F13A1: variants seen among roughly 807,000 people sequenced by gnomAD.
The protein encoded by F13A1 is FSF, A subunit.
Under a neutral mutation model 80.1 loss-of-function variants are expected in F13A1, and 47 were observed. The ratio of observed to expected loss-of-function variants is 0.59; its 90% CI spans 0.46 to 0.75. F13A1 has a LOEUF of 0.75. Ranked by LOEUF, F13A1 falls within the 30% of genes least tolerant of loss-of-function variation. The pLI is 0.00. For missense variants in F13A1, 817 were observed against 930.4 expected (o/e 0.88, Z 1.59); for synonymous variants, 349 against 344.9 (o/e 1.01, Z -0.13).
rs1471603348 is a variant in F13A1, at chr6:6,151,935, C to T, written c.1923G>A (p.Gln641=). Residue 641 remains glutamine, a synonymous_variant, in exon 14 of 15, where the codon CAG becomes CAA. Transcript: ENST00000264870. The stretch of plus-strand genomic sequence containing the variant: ...TCACAGTCATGTCAGAACCAACTAC[C>T]TGAGTGCCACGGACCTAAGAGAGAG... ...PEIIIKVRGT[Q]VVGSDMTVTV... 3 of 1,613,898 alleles carry T rather than the reference C, an allele frequency of 1.9e-6. No individual in the cohort carries two copies. In the East Asian group the frequency reaches 6.7e-5, roughly 36 times the overall value.
intron 3 of F13A1, among the ~76,000 whole-genome samples, chr6:6,289,783 T>C (rs1021133635): frequency 1.3e-5 from 2 of 152,116 alleles, no homozygotes; most frequent in African/African-American, 2.4e-5. Flanking sequence ...ATCAGTGTGC[T>C]TCCAAAATGT....
intron 8 of F13A1, among the ~76,000 whole-genome samples, chr6:6,219,949 C>A (rs77652157): frequency 1.3e-5 from 2 of 152,156 alleles, no homozygotes; most frequent in African/African-American, 4.8e-5. Context: ...CTGTTATGCT[C>A]GGCTCTGTGA....
In F13A1 at chr6:6,320,632, G is replaced by A. The variant is rs746969595; in HGVS notation, c.-64C>T. ...AGGTGCCCTCGCGTGGGCTTGCTCT[G>A]TGCGCCTCGGGGACTTCCTCAAACG... On this transcript the variant is annotated 5_prime_UTR_variant, in exon 1 of 15. Coordinates refer to ENST00000264870, the MANE Select transcript of F13A1 (RefSeq NM_000129.4). 2.1e-6 allele frequency: 1 copy of A among 470,400 alleles called. No homozygotes were observed. Among genetic ancestry groups the A allele is most frequent in the African/African-American group, 2.0e-5 (1 of 50,080 alleles). The allele number at this position is 470,400 out of a possible 1,614,324, so 29.1% of individuals were successfully genotyped here.
Position 6,165,266 on chromosome 6 carries a change from C to A in F13A1, c.1908+2192G>T, listed in dbSNP as rs560903715. Among the ~76,000 whole-genome samples, 11 of 152,270 alleles carry A rather than the reference C, an allele frequency of 7.2e-5. No homozygotes were observed. The South Asian group carries it at 2.1e-3, about 29-fold the overall frequency. The stretch of plus-strand genomic sequence containing the variant: ...TCCATTTAAAGTACTCTCTACATGC[C>A]CAGGTCTGCTAACTTGTGGGATAAG... On this transcript the variant is annotated intron_variant, in intron 13 of 14. Coordinates refer to ENST00000264870, the MANE Select transcript of F13A1 (RefSeq NM_000129.4).
In F13A1 at chr6:6,277,193, G is replaced by A. The variant is rs187150429; in HGVS notation, c.320-10384C>T. ...TACTAAAAAATACAAAAAATTAGCC[G>A]GGCGTAGTGGCGGGCGCCTGTGGTC... On this transcript the variant is annotated intron_variant, in intron 3 of 14. Transcript: ENST00000264870. Among the ~76,000 whole-genome samples, 3 of 14,586 alleles carry A rather than the reference G, an allele frequency of 2.1e-4. 1 individual carries two copies. Among genetic ancestry groups the A allele is most frequent in the East Asian group, 2.0e-3 (3 of 1,472 alleles). 9.6% of individuals were successfully genotyped at this position (14,586 alleles called of 152,430 possible).
chr6:6,305,347 T>A lies in F13A1; in HGVS notation c.319+4A>T. Reference sequence around the variant, plus strand: ...CAAGACTGGAGCTTGCACATGGCACTCACCAATGACGTATTCCACCCTGAA... The same window carrying A: ...CAAGACTGGAGCTTGCACATGGCACACACCAATGACGTATTCCACCCTGAA... On this transcript the variant is annotated splice_donor_region_variant and intron_variant, in intron 3 of 14. Coordinates refer to ENST00000264870, the MANE Select transcript of F13A1 (RefSeq NM_000129.4). 2 of 1,614,178 alleles carry A rather than the reference T, an allele frequency of 1.2e-6. No individual in the cohort carries two copies. The highest frequency in any genetic ancestry group is 1.7e-6 in the Non-Finnish European group (2 of 1,180,028).
chr6:6,209,315 A>T (rs1464149552), intron 8 of F13A1, among the ~76,000 whole-genome samples: 1 of 143,692 alleles, frequency 7.0e-6, no homozygotes, highest in East Asian at 2.1e-4. Flanking sequence ...GATGGCTACA[A>T]TAATAATTAA....
chr6:6,227,298 G>T lies in F13A1; in HGVS notation c.799-2438C>A, dbSNP rs184383550. ...TCTTCCCCCTTTAACTCTGTGTCCA[G>T]TCAGGTTAAAGTGAAGAAGAACTTT... On this transcript the variant is annotated intron_variant, in intron 6 of 14. Coordinates refer to ENST00000264870, the MANE Select transcript of F13A1 (RefSeq NM_000129.4). Among the ~76,000 whole-genome samples, 3 of 152,274 alleles carry T rather than the reference G, an allele frequency of 2.0e-5. No individual in the cohort carries two copies. The East Asian group carries it at 5.8e-4, about 29-fold the overall frequency.
intron 3 of F13A1, among the ~76,000 whole-genome samples, chr6:6,275,351 A>AT (rs570565505): frequency 8.7e-5 from 6 of 69,028 alleles, no homozygotes; most frequent in African/African-American, 4.2e-4. Context: ...GCCAGGCACC[A>AT]TTTTTTTTAT....
Position 6,144,943 on chromosome 6 carries a change from C to T in F13A1, c.*676G>A, listed in dbSNP as rs931038341. ...TCACAAAACTACATTATTCAATAGACTTGAGTGTTGCACCTGCTTTCTTAT... is the reference window on the plus strand; with the variant it reads ...TCACAAAACTACATTATTCAATAGATTTGAGTGTTGCACCTGCTTTCTTAT... On this transcript the variant is annotated 3_prime_UTR_variant, in exon 15 of 15. Coordinates refer to ENST00000264870, the MANE Select transcript of F13A1 (RefSeq NM_000129.4). The T allele has an allele frequency of 3.2e-5, 5 of 155,588 alleles. No individual in the cohort carries two copies. The highest frequency in any genetic ancestry group is 1.2e-4 in the African/African-American group (5 of 41,442). The allele number at this position is 155,588 out of a possible 1,614,324, so 9.6% of individuals were successfully genotyped here. A position where few individuals can be genotyped will look rare whatever the true frequency, so the allele number is the denominator to read the frequency against.
intron 13 of F13A1, among the ~76,000 whole-genome samples, chr6:6,164,295 G>C (rs572716500): frequency 6.6e-6 from 1 of 152,070 alleles, no homozygotes; most frequent in Non-Finnish European, 1.5e-5. Flanking sequence ...GAGAACTTAC[G>C]AACACACAGA....
chr6:6,162,269 C>T lies in F13A1; in HGVS notation c.1908+5189G>A, dbSNP rs559470644. ...TCATCCCTGCTCCCAGCCTCCACCC[C>T]AGCCAAGGCACGCTTCTCACTGCTC... On this transcript the variant is annotated intron_variant, in intron 13 of 14. Transcript: ENST00000264870. This position sits in a 1 kb window ranked among gnomAD's most constrained non-coding sequence, Gnocchi z 4.2. Among the ~76,000 whole-genome samples the T allele has an allele frequency of 0.026, 3,963 of 152,216 alleles. 65 individuals are homozygous for T. Among genetic ancestry groups the T allele is most frequent in the Non-Finnish European group, 0.041 (2,759 of 67,998 alleles).
chr6:6,308,651 T>G (rs577680352), intron 2 of F13A1, among the ~76,000 whole-genome samples: 1 of 148,140 alleles, frequency 6.8e-6, no homozygotes, highest in Non-Finnish European at 1.5e-5. Context: ...CCTGCTCTGT[T>G]GCTCAGGCTG....
intron 3 of F13A1, among the ~76,000 whole-genome samples, chr6:6,292,218 T>C (rs756733705): frequency 6.6e-6 from 1 of 152,242 alleles, no homozygotes; most frequent in Non-Finnish European, 1.5e-5. Flanking sequence ...GAGTTATCAA[T>C]GAAGCTACTA....
At chr6:6,153,417 T>C (rs999458991) in intron 13 of F13A1, among the ~76,000 whole-genome samples, 1 of 152,204 alleles carries the variant, frequency 6.6e-6, no homozygotes, top group African/African-American at 2.4e-5. Flanking sequence ...ACAATTATTA[T>C]ATATCGATTA....
chr6:6,257,539 G>C (rs1402701758), intron 4 of F13A1, among the ~76,000 whole-genome samples: 4 of 152,124 alleles, frequency 2.6e-5, no homozygotes, highest in Non-Finnish European at 5.9e-5. Flanking sequence ...ATAAAGTAGA[G>C]TAGTTCGCCA....
chr6:6,152,147 C>T (rs1331580431), intron 13 of F13A1, among the ~76,000 whole-genome samples, 198 bp from the exon 14 acceptor site: 1 of 152,158 alleles, frequency 6.6e-6, no homozygotes, highest in South Asian at 2.1e-4. Context: ...TAATTAGAAT[C>T]GCACTCTTTT....
At chr6:6,309,881 C>T (rs992148803) in intron 2 of F13A1, among the ~76,000 whole-genome samples, 3 of 152,144 alleles carry the variant, frequency 2.0e-5, no homozygotes, top group African/African-American at 7.2e-5. Context: ...TCCTACCCTC[C>T]CTCCCTGCAT....
intron 10 of F13A1, among the ~76,000 whole-genome samples, chr6:6,192,099 G>A (rs1220507731): frequency 6.6e-6 from 1 of 152,196 alleles, no homozygotes; most frequent in Non-Finnish European, 1.5e-5. Context: ...TAAAAGTGCT[G>A]ACACAAGAGG....
Sources: gnomAD v4.1 joint callset for allele counts (sites outside exome capture counted in the v4.1 genomes callset) on GRCh38, gnomAD v4.1.1 for gene constraint, Gnocchi (gnomAD v3.1) non-coding constraint, MANE v1.5 for transcripts, NCBI Gene and HGNC (gene_info 2026-07-23, HGNC 2026-07-21) for gene names.